The following SNX10 variants were observed in gnomAD, a reference collection of about 807,000 sequenced individuals.
The protein encoded by SNX10 is sorting nexin 10.
Under a neutral mutation model 28.5 loss-of-function variants are expected in SNX10, and 25 were observed. That is an observed-to-expected ratio of 0.88 (90% CI 0.64 to 1.22). The LOEUF (loss-of-function observed/expected upper bound fraction) is 1.22. Ranked by LOEUF, SNX10 falls within the 50% of genes most tolerant of loss-of-function variation. The pLI is 0.00. For synonymous variants in SNX10, 62 were observed against 81.4 expected (o/e 0.76, Z 1.28); for missense variants, 223 against 242.6 (o/e 0.92, Z 0.54).
chr7:26,302,368 C>T (rs904014679), intron 1 of SNX10, among the ~76,000 whole-genome samples: 1 of 152,138 alleles, frequency 6.6e-6, no homozygotes, highest in African/African-American at 2.4e-5. Flanking sequence ...CCTTTGCAGG[C>T]AGGAGATGGA....
chr7:26,330,102 A>G (rs550494912), intron 1 of SNX10, among the ~76,000 whole-genome samples: 1 of 152,286 alleles, frequency 6.6e-6, no homozygotes, highest in South Asian at 2.1e-4. Context: ...GGCTGTGGCC[A>G]CATGGGGGTT....
In SNX10 at chr7:26,372,540, T is replaced by C. The variant is rs746246102; in HGVS notation, c.574T>C (p.Cys192Arg). 6.2e-7 allele frequency: 1 copy of C among 1,609,880 alleles called. No homozygotes were observed. The highest frequency in any genetic ancestry group is 1.7e-5 in the Admixed American group (1 of 60,022). The part of the protein sequence containing the change: ...HSSDDSSSHG[C>R]KVNTAPQES The stretch of plus-strand genomic sequence containing the variant: ...TAGTGATGACAGCAGTTCACATGGA[T>C]GTAAAGTAAATACAGCTCCGCAGGA... Residue 192 changes from cysteine (C) to arginine (R), a missense_variant, in exon 7 of 7, where the codon TGT becomes CGT. Physicochemically the swap from Cys to Arg is radical, Grantham distance 180. Coordinates refer to ENST00000338523, the MANE Select transcript of SNX10 (RefSeq NM_013322.3).
At position 26,365,030 on chromosome 7, in the gene SNX10, T is replaced by G; in HGVS notation, c.213-17T>G. On this transcript the variant is annotated splice_polypyrimidine_tract_variant and intron_variant, in intron 4 of 6. Coordinates refer to ENST00000338523, the MANE Select transcript of SNX10 (RefSeq NM_013322.3). The stretch of plus-strand genomic sequence containing the variant: ...TGAGTTAATCATTTAAAAACATTGT[T>G]TTTTCTTTCTCCTAAGACAACTGCC... The G allele has an allele frequency of 6.5e-7, 1 of 1,535,640 alleles. No individual in the cohort carries two copies. Among genetic ancestry groups the G allele is most frequent in the Non-Finnish European group, 9.0e-7 (1 of 1,108,792 alleles).
chr7:26,307,080 G>C (rs191530288), intron 1 of SNX10, among the ~76,000 whole-genome samples: 2 of 152,166 alleles, frequency 1.3e-5, no homozygotes, highest in African/African-American at 2.4e-5. Flanking sequence ...CATGACAGAG[G>C]CACCGTGAAG....
intron 1 of SNX10, among the ~76,000 whole-genome samples, chr7:26,317,659 C>CTTTTTTTTT (rs11310428): frequency 2.8e-5 from 3 of 106,220 alleles, no homozygotes; most frequent in African/African-American, 3.5e-5. Context: ...CTTCTTTGAT[C>CTTTTTTTTT]TTTTTTTTTT....
At chr7:26,312,009 G>A (rs1256526116) in intron 1 of SNX10, among the ~76,000 whole-genome samples, 1 of 152,056 alleles carries the variant, frequency 6.6e-6, no homozygotes, top group Admixed American at 6.5e-5. Flanking sequence ...AATAAGTCTT[G>A]CACTGCCTGC....
At chr7:26,310,651 G>A (rs1786790026) in intron 1 of SNX10, among the ~76,000 whole-genome samples, 1 of 150,864 alleles carries the variant, frequency 6.6e-6, no homozygotes, top group African/African-American at 2.4e-5. Flanking sequence ...ACAGCAGCAC[G>A]AGGGGACTGA....
At chr7:26,348,278 C>T (rs1418625598) in intron 2 of SNX10, among the ~76,000 whole-genome samples, 2 of 152,114 alleles carry the variant, frequency 1.3e-5, no homozygotes, top group African/African-American at 4.8e-5. Flanking sequence ...GCTGCTTGTT[C>T]CGGGAAATAC....
At chr7:26,342,210 A>G (rs1424724537) in intron 1 of SNX10, among the ~76,000 whole-genome samples, 1 of 151,926 alleles carries the variant, frequency 6.6e-6, no homozygotes, top group Non-Finnish European at 1.5e-5. Flanking sequence ...TATTTTTAGT[A>G]GAGACGGGGT....
At chr7:26,343,999 A>G (rs759709783) in intron 1 of SNX10, among the ~76,000 whole-genome samples, 12 of 152,004 alleles carry the variant, frequency 7.9e-5, no homozygotes, top group Admixed American at 2.6e-4. Context: ...AAAATGTACC[A>G]TCTGATCCAT....
intron 2 of SNX10, among the ~76,000 whole-genome samples, chr7:26,353,460 T>TG (rs371699790): frequency 2.4e-5 from 2 of 83,430 alleles, no homozygotes; most frequent in African/African-American, 8.3e-5. Context: ...TTTTTTTTTT[T>TG]GGTGGGGAGA....
rs1355499343 is a variant in SNX10 at position 26,292,111 on chromosome 7, G to A, written c.-24+25G>A. The A allele has an allele frequency of 3.3e-5, 5 of 152,612 alleles. No homozygotes were observed. In the East Asian group the frequency reaches 9.6e-4, roughly 29 times the overall value. The allele number at this position is 152,612 out of a possible 1,614,324, so 9.5% of individuals were successfully genotyped here. On this transcript the variant is annotated intron_variant, in intron 1 of 6. Transcript: ENST00000338523. ...CGTAAGTGACAAGAGACCCGCTGAG[G>A]GGGCCTCCCCTGCACCGCCCAGGTG...
At chr7:26,359,253 G>A (rs1788968828) in intron 2 of SNX10, among the ~76,000 whole-genome samples, 1 of 152,196 alleles carries the variant, frequency 6.6e-6, no homozygotes, top group Non-Finnish European at 1.5e-5. Flanking sequence ...TGTTGCCCTA[G>A]AAGGTGAAAC....
At chr7:26,293,516 A>AT (rs1281800575) in intron 1 of SNX10, among the ~76,000 whole-genome samples, 7 of 152,248 alleles carry the variant, frequency 4.6e-5, no homozygotes, top group Non-Finnish European at 7.4e-5. Flanking sequence ...TTTTATTACT[A>AT]TTTTTTAAAG....
intron 1 of SNX10, among the ~76,000 whole-genome samples, chr7:26,326,353 C>T (rs1266472682): frequency 1.3e-5 from 2 of 152,134 alleles, no homozygotes; most frequent in African/African-American, 4.8e-5. Context: ...GTGCACGAAG[C>T]CTCATGTCTG....
intron 1 of SNX10, among the ~76,000 whole-genome samples, chr7:26,322,844 A>G (rs1282465937): frequency 6.6e-6 from 1 of 152,212 alleles, no homozygotes; most frequent in African/African-American, 2.4e-5. Flanking sequence ...GCACTGGGGC[A>G]CTGCAGTGAA....
intron 1 of SNX10, among the ~76,000 whole-genome samples, chr7:26,322,749 G>C (rs1213334118): frequency 6.6e-6 from 1 of 152,186 alleles, no homozygotes; most frequent in Non-Finnish European, 1.5e-5. Flanking sequence ...TTGGAATAAA[G>C]ATCTGTTCTC....
Position 26,291,893 on chromosome 7 carries a change from G to C in SNX10, c.-217G>C, listed in dbSNP as rs897945229. The C allele has an allele frequency of 2.7e-5, 4 of 149,364 alleles. No individual in the cohort carries two copies. Among genetic ancestry groups the C allele is most frequent in the African/African-American group, 9.7e-5 (4 of 41,198 alleles). The allele number at this position is 149,364 out of a possible 1,614,324, so 9.3% of individuals were successfully genotyped here. On this transcript the variant is annotated 5_prime_UTR_variant, in exon 1 of 7. Transcript: ENST00000338523. ...CGCGGCGCCCACAGGCGGACGGCTG[G>C]CGCTGAGCGCGGGCGCGGGGCCGCT...
intron 1 of SNX10, among the ~76,000 whole-genome samples, chr7:26,303,597 G>A (rs1786462290): frequency 6.6e-6 from 1 of 152,082 alleles, no homozygotes; most frequent in African/African-American, 2.4e-5. Flanking sequence ...TTGTTTCTCT[G>A]GTTTCTCTGA....
Sources: allele counts gnomAD v4.1 joint callset (sites outside exome capture counted in the v4.1 genomes callset), GRCh38; gene constraint gnomAD v4.1.1; transcripts MANE v1.5; gene names NCBI Gene and HGNC (gene_info 2026-07-23, HGNC 2026-07-21).